KAZALD1: variants seen among roughly 807,000 people sequenced by gnomAD.
The protein encoded by KAZALD1 is Kazal type serine peptidase inhibitor domain 1, also known as kazal-type serine protease inhibitor domain-containing protein 1.
In KAZALD1, 31 loss-of-function variants were observed where a neutral mutation model predicts 27.7. That is an observed-to-expected ratio of 1.12 (90% CI 0.84 to 1.51). The LOEUF (loss-of-function observed/expected upper bound fraction) is 1.51, where lower values mean the gene tolerates loss of function less well. KAZALD1 is among the 40% of genes most tolerant of loss of function. The pLI is 0.00. For synonymous variants in KAZALD1, 179 were observed against 182.0 expected (o/e 0.98, Z 0.13); for missense variants, 444 against 408.9 (o/e 1.09, Z -0.74).
intron 2 of KAZALD1, 29 bp from the exon 3 acceptor site, chr10:101,064,232 A>G (rs1226320905): frequency 2.5e-6 from 4 of 1,613,186 alleles, no homozygotes; most frequent in Non-Finnish European, 3.4e-6. Flanking sequence ...GGGCCATGCT[A>G]TTCTCAGACC....
chr10:101,062,508 T>A, intron 1 of KAZALD1, 34 bp from the exon 2 acceptor site: 1 of 1,517,586 alleles, frequency 6.6e-7, no homozygotes, highest in Non-Finnish European at 8.7e-7. Context: ...AGGCCCTGTT[T>A]CTGACCTCCT....
chr10:101,066,706 G>C lies in KAZALD1; in HGVS notation c.*1786G>C, dbSNP rs559450526. On this transcript the variant is annotated 3_prime_UTR_variant, in exon 5 of 5. Coordinates refer to ENST00000370200, the MANE Select transcript of KAZALD1 (RefSeq NM_030929.5). ...CCAAGACGCCCTCTGCGGGCCCATA[G>C]CTCCTACCGCGTCCACCTGCAGAGC... 188 of 353,762 alleles carry C rather than the reference G, an allele frequency of 5.3e-4. No individual in the cohort carries two copies. The highest frequency in any genetic ancestry group is 3.3e-3 in the African/African-American group (155 of 46,826). The allele number at this position is 353,762 out of a possible 1,614,324, so 21.9% of individuals were successfully genotyped here.
Position 101,064,499 on chromosome 10 carries a change from A to G in KAZALD1, c.673-2A>G, listed in dbSNP as rs1368379369. 1 of 1,614,112 alleles carries G rather than the reference A, an allele frequency of 6.2e-7. No individual in the cohort carries two copies. Among genetic ancestry groups the G allele is most frequent in the Non-Finnish European group, 8.5e-7 (1 of 1,180,014 alleles). Reference sequence around the variant, plus strand: ...CCCTGCTGATTCCTTGCCTGGCTCCAGTTTAGGGGTGGACCCCAGAGGTTT... The same window carrying G: ...CCCTGCTGATTCCTTGCCTGGCTCCGGTTTAGGGGTGGACCCCAGAGGTTT... On this transcript the variant is annotated splice_acceptor_variant, in intron 3 of 4. Coordinates refer to ENST00000370200, the MANE Select transcript of KAZALD1 (RefSeq NM_030929.5). LOFTEE classifies it high-confidence loss of function.
In KAZALD1 at chr10:101,064,575, C is replaced by T. The variant is rs752043343; in HGVS notation, c.747C>T (p.Gly249=). The change falls in exon 4 of 5, where the codon GGC becomes GGT. Residue 249 remains glycine (G), a synonymous_variant. Coordinates refer to ENST00000370200, the MANE Select transcript of KAZALD1 (RefSeq NM_030929.5). ...QIQAVRPSDE[G]TYRCLGRNAL... ...AGGCTGTGCGTCCCAGTGATGAGGG[C>T]ACTTACCGCTGCCTTGGCCGCAATG... The T allele has an allele frequency of 6.2e-7, 1 of 1,613,978 alleles. No homozygotes were observed. Among genetic ancestry groups the T allele is most frequent in the African/African-American group, 1.3e-5 (1 of 74,938 alleles).
rs1939247284 is a variant in KAZALD1, at chr10:101,064,131, G to T, written c.512-130G>T. ...TGTGTGTCACGGTGTGTTTATGGAT[G>T]TGTATTTACCTCAGCATATATTGTG... On this transcript the variant is annotated intron_variant, in intron 2 of 4. Transcript: ENST00000370200. 5 of 861,290 alleles carry T rather than the reference G, an allele frequency of 5.8e-6. No homozygotes were observed. The East Asian group carries it at 1.3e-4, about 23-fold the overall frequency. 53.4% of individuals were successfully genotyped at this position (861,290 alleles called of 1,614,324 possible). A position where few individuals can be genotyped will look rare whatever the true frequency, so the allele number is the denominator to read the frequency against.
rs1939292839 is a variant in KAZALD1 at position 101,065,350 on chromosome 10, G to C, written c.*430G>C. The stretch of plus-strand genomic sequence containing the variant: ...CTGGTCCCCAACGTTTATCTAGCTT[G>C]TTTGCCCTTTCCCCAAACTCATCTT... On this transcript the variant is annotated 3_prime_UTR_variant, in exon 5 of 5. Transcript: ENST00000370200. The C allele has an allele frequency of 5.5e-6, 1 of 180,224 alleles. No individual in the cohort carries two copies. 11.2% of individuals were successfully genotyped at this position (180,224 alleles called of 1,614,324 possible). A position where few individuals can be genotyped will look rare whatever the true frequency, so the allele number is the denominator to read the frequency against.
chr10:101,067,703 G>A (rs1939361339), downstream of KAZALD1: 2 of 354,316 alleles, frequency 5.6e-6, no homozygotes, highest in South Asian at 4.4e-5. Flanking sequence ...TATAACTGAG[G>A]GTGTCCTGGC....
In KAZALD1 at chr10:101,062,548, C is replaced by G; in HGVS notation, c.-45C>G. On this transcript the variant is annotated 5_prime_UTR_variant, in exon 2 of 5. Transcript: ENST00000370200. Reference sequence around the variant, plus strand: ...TGGCTTCCCTTCCTGGCAGGGTGCCCGAACGCGCTGATGCCCCGAGTGCTC... The same window carrying G: ...TGGCTTCCCTTCCTGGCAGGGTGCCGGAACGCGCTGATGCCCCGAGTGCTC... 1 of 1,557,992 alleles carries G rather than the reference C, an allele frequency of 6.4e-7. No individual in the cohort carries two copies. The highest frequency in any genetic ancestry group is 1.4e-5 in the African/African-American group (1 of 72,294).
chr10:101,065,177 G>A lies in KAZALD1; in HGVS notation c.*257G>A. ...GCCCATGCAGGAGATGCCCTGGCCAGTAGGACCTCCAACAGGTTGTTTCCC... is the reference window on the plus strand; with the variant it reads ...GCCCATGCAGGAGATGCCCTGGCCAATAGGACCTCCAACAGGTTGTTTCCC... On this transcript the variant is annotated 3_prime_UTR_variant, in exon 5 of 5. Transcript: ENST00000370200. 4 of 464,148 alleles carry A rather than the reference G, an allele frequency of 8.6e-6. No homozygotes were observed. The South Asian group carries it at 1.0e-4, about 12-fold the overall frequency. The allele number at this position is 464,148 out of a possible 1,614,324, so 28.8% of individuals were successfully genotyped here. A position where few individuals can be genotyped will look rare whatever the true frequency, so the allele number is the denominator to read the frequency against.
chr10:101,066,657 G>T lies in KAZALD1; in HGVS notation c.*1737G>T. 2.7e-6 allele frequency: 1 copy of T among 372,554 alleles called. No homozygotes were observed. The highest frequency in any genetic ancestry group is 5.4e-6 in the Non-Finnish European group (1 of 184,228). 23.1% of individuals were successfully genotyped at this position (372,554 alleles called of 1,614,324 possible). Reference sequence around the variant, plus strand: ...GCATCAGCCAGGGAATCCGCCCCTAGCTTGTTCTTCGCCCAGCTGGGCTCC... The same window carrying T: ...GCATCAGCCAGGGAATCCGCCCCTATCTTGTTCTTCGCCCAGCTGGGCTCC... On this transcript the variant is annotated 3_prime_UTR_variant, in exon 5 of 5. Coordinates refer to ENST00000370200, the MANE Select transcript of KAZALD1 (RefSeq NM_030929.5).
chr10:101,067,535 C>T (rs1362249662), downstream of KAZALD1: 3 of 354,894 alleles, frequency 8.5e-6, no homozygotes, highest in African/African-American at 6.4e-5. Context: ...GGGCGTACCT[C>T]TCTCCTCCAT....
At chr10:101,063,970 A>T (rs1320694570) in intron 2 of KAZALD1, among the ~76,000 whole-genome samples, 1 of 152,230 alleles carries the variant, frequency 6.6e-6, no homozygotes, top group Non-Finnish European at 1.5e-5. Flanking sequence ...GTGGCTGCCA[A>T]GCTACAATGT....
Position 101,064,636 on chromosome 10 carries a change from G to A in KAZALD1, c.808G>A (p.Val270Met), listed in dbSNP as rs1396567213. The A allele has an allele frequency of 1.9e-6, 3 of 1,613,678 alleles. No individual in the cohort carries two copies. The highest frequency in any genetic ancestry group is 1.7e-5 in the Admixed American group (1 of 60,032). ...AGTGGAGGCCCCTGCTAGCTTGACA[G>A]TGCTCACACCTGGTAAGGGGATTCC... is the stretch of plus-strand genomic sequence containing the variant. ...GQVEAPASLT[V>M]LTPDQLNSTG... is the part of the protein sequence containing the mutation. The change falls in exon 4 of 5, where the codon GTG becomes ATG. Residue 270 changes from valine to methionine, a missense_variant. Physicochemically the swap from Val to Met is conservative, Grantham distance 21 (BLOSUM62 1). Transcript: ENST00000370200.
At chr10:101,067,179 G>A (rs1243518382), downstream of KAZALD1, 3 of 440,154 alleles carry the variant, frequency 6.8e-6, no homozygotes, top group Non-Finnish European at 1.4e-5. Context: ...GGGAGGCTGA[G>A]CCGCTGCCAG....
In KAZALD1 at chr10:101,062,561, G is replaced by A. The variant is rs776537966; in HGVS notation, c.-32G>A. The A allele has an allele frequency of 8.9e-6, 14 of 1,573,250 alleles. No homozygotes were observed. Among genetic ancestry groups the A allele is most frequent in the African/African-American group, 1.4e-5 (1 of 72,906 alleles). On this transcript the variant is annotated 5_prime_UTR_variant, in exon 2 of 5. An upstream start codon of the reference 5' UTR is lost. Transcript: ENST00000370200. ...TGGCAGGGTGCCCGAACGCGCTGAT[G>A]CCCCGAGTGCTCGCAGGGCTTCCCG...
Position 101,062,962 on chromosome 10 carries a change from CCT to C in KAZALD1, c.373_374del (p.Leu125ValfsTer55). 6.2e-7 allele frequency: 1 copy of C among 1,601,734 alleles called. No individual in the cohort carries two copies. The highest frequency in any genetic ancestry group is 1.1e-5 in the South Asian group (1 of 90,894). On this transcript the variant is annotated frameshift_variant, in exon 2 of 5. Transcript: ENST00000370200. LOFTEE classifies it high-confidence loss of function. ...GDLSRGEVPE[P>X]LCACRSQSPL... ...CCTGAGCCGCGGAGAGGTGCCGGAA[CCT>C]CTGTGTGCCTGTCGTTCGCAGAGTC...
chr10:101,064,591 G>A lies in KAZALD1; in HGVS notation c.763G>A (p.Gly255Ser). The A allele has an allele frequency of 6.2e-7, 1 of 1,614,054 alleles. No individual in the cohort carries two copies. The highest frequency in any genetic ancestry group is 1.7e-4 in the Middle Eastern group (1 of 6,018). ...PSDEGTYRCL[G>S]RNALGQVEAP... is the part of the protein sequence containing the mutation. The stretch of plus-strand genomic sequence containing the variant: ...TGATGAGGGCACTTACCGCTGCCTT[G>A]GCCGCAATGCCCTGGGTCAAGTGGA... The change falls in exon 4 of 5, where the codon GGC becomes AGC. Residue 255 changes from glycine to serine, a missense_variant. Coordinates refer to ENST00000370200, the MANE Select transcript of KAZALD1 (RefSeq NM_030929.5).
At position 101,065,773 on chromosome 10, in the gene KAZALD1, G is replaced by A. The variant is rs1939304586; in HGVS notation, c.*853G>A. ...TGAGGGAGGGAGGCTGGAGCCATAT[G>A]GCTGGAGGGAAGTTATCTTCCCCGT... is the stretch of plus-strand genomic sequence containing the variant. On this transcript the variant is annotated 3_prime_UTR_variant, in exon 5 of 5. Coordinates refer to ENST00000370200, the MANE Select transcript of KAZALD1 (RefSeq NM_030929.5). Among the ~76,000 whole-genome samples, 1 of 152,252 alleles carries A rather than the reference G, an allele frequency of 6.6e-6. No homozygotes were observed. Among genetic ancestry groups the A allele is most frequent in the Non-Finnish European group, 1.5e-5 (1 of 68,052 alleles).
intron 1 of KAZALD1, 145 bp downstream of exon 1, chr10:101,062,260 C>T: frequency 2.8e-6 from 1 of 354,848 alleles, no homozygotes; most frequent in South Asian, 4.3e-5. Context: ...TCGGGTGGTG[C>T]ACGGAAGTGG....
Sources: allele counts gnomAD v4.1 joint callset (sites outside exome capture counted in the v4.1 genomes callset), GRCh38; gene constraint gnomAD v4.1.1; transcripts MANE v1.5; gene names NCBI Gene and HGNC (gene_info 2026-07-23, HGNC 2026-07-21).